Variants in PCDH15 observed in about 807,000 individuals in gnomAD.
PCDH15 encodes protocadherin related 15.
A neutral mutation model predicts 178.5 loss-of-function variants in PCDH15; 129 were observed. The ratio of observed to expected loss-of-function variants is 0.72; its 90% CI spans 0.63 to 0.84. PCDH15 has a LOEUF of 0.84. Among genes scored for constraint, PCDH15 ranks in the 40% least tolerant of loss-of-function variants. PCDH15 has a pLI of 0.00. For missense variants in PCDH15, 2,230 were observed against 2,099.9 expected (o/e 1.06, Z -1.21); for synonymous variants, 800 against 732.0 (o/e 1.09, Z -1.50).
At chr10:54,876,791 C>T (rs1954153149) in intron 3 of PCDH15, among the ~76,000 whole-genome samples, 1 of 152,090 alleles carries the variant, frequency 6.6e-6, no homozygotes, top group South Asian at 2.1e-4. Context: ...GGAAAATACT[C>T]TTGGTGAAGG....
At chr10:55,430,406 A>C (rs1056240331) in intron 2 of PCDH15, among the ~76,000 whole-genome samples, 2 of 152,224 alleles carry the variant, frequency 1.3e-5, no homozygotes, top group Non-Finnish European at 2.9e-5. Context: ...GAATCAAGCA[A>C]AGGTTTAATC....
At chr10:54,239,290 T>A (rs2054977430) in intron 8 of PCDH15, among the ~76,000 whole-genome samples, 1 of 151,898 alleles carries the variant, frequency 6.6e-6, no homozygotes, top group South Asian at 2.1e-4. Context: ...ATGAGCAACA[T>A]AATTTATTTA....
chr10:55,388,004 G>T (rs1336390939), intron 2 of PCDH15, among the ~76,000 whole-genome samples: 1 of 151,916 alleles, frequency 6.6e-6, no homozygotes, highest in African/African-American at 2.4e-5. Context: ...TCAAATATTT[G>T]ATTACAAAAT....
rs116330825 is a variant in PCDH15, at chr10:55,352,323, A to T, written c.-155-185672T>A. 5.2e-3 allele frequency among the ~76,000 whole-genome samples: 786 copies of T among 152,274 alleles called. 11 individuals carry two copies. Among genetic ancestry groups the T allele is most frequent in the African/African-American group, 0.018 (740 of 41,570 alleles). On this transcript the variant is annotated intron_variant, in intron 2 of 5. Coordinates refer to the PCDH15 transcript ENST00000613346. ...CAAATTTGAGTGATTTTCTTATTCGAGTTCAAAAACGGGTTGTAAAGCAGC... is the reference window on the plus strand; with the variant it reads ...CAAATTTGAGTGATTTTCTTATTCGTGTTCAAAAACGGGTTGTAAAGCAGC...
At chr10:55,396,036 ATATTT>A (rs1282562349) in intron 2 of PCDH15, among the ~76,000 whole-genome samples, 1 of 151,702 alleles carries the variant, frequency 6.6e-6, no homozygotes, top group Non-Finnish European at 1.5e-5. Flanking sequence ...ACAAAAAAAT[ATATTT>A]TAGCATTTTC....
At chr10:54,337,082 G>T (rs537735667) in intron 6 of PCDH15, among the ~76,000 whole-genome samples, 14 of 150,754 alleles carry the variant, frequency 9.3e-5, no homozygotes, top group African/African-American at 3.2e-4. Context: ...TAGACCCTTT[G>T]TTTTTGCCAA....
At chr10:55,076,433 T>G (rs1328184359) in intron 2 of PCDH15, among the ~76,000 whole-genome samples, 2 of 151,396 alleles carry the variant, frequency 1.3e-5, no homozygotes, top group African/African-American at 4.8e-5. Flanking sequence ...TTGCTGTGTT[T>G]TTTTTTTTTT....
At chr10:54,797,405 A>C (rs1952143308) in intron 1 of PCDH15, among the ~76,000 whole-genome samples, 1 of 151,900 alleles carries the variant, frequency 6.6e-6, no homozygotes, top group Non-Finnish European at 1.5e-5. Flanking sequence ...GGTGAATGCA[A>C]CCTTTAAACA....
At chr10:54,126,068 T>C (rs772613262) in intron 15 of PCDH15, among the ~76,000 whole-genome samples, 1 of 133,098 alleles carries the variant, frequency 7.5e-6, no homozygotes, top group Non-Finnish European at 1.5e-5. Flanking sequence ...TAAAAAGAAT[T>C]ACCATTTTTT....
chr10:54,040,555 T>C (rs947464837), intron 18 of PCDH15, among the ~76,000 whole-genome samples: 4 of 152,038 alleles, frequency 2.6e-5, no homozygotes, highest in Admixed American at 1.3e-4. Flanking sequence ...TACATCTATA[T>C]TCAGTTACTA....
chr10:53,910,674 G>C (rs959633902), intron 25 of PCDH15, among the ~76,000 whole-genome samples: 2 of 152,148 alleles, frequency 1.3e-5, no homozygotes, highest in Non-Finnish European at 2.9e-5. Flanking sequence ...TTGATGAGTT[G>C]ACAGAAGTAG....
At chr10:53,947,844 CA>C (rs1030433940) in intron 23 of PCDH15, among the ~76,000 whole-genome samples, 10 of 152,084 alleles carry the variant, frequency 6.6e-5, no homozygotes, top group Non-Finnish European at 1.2e-4. Context: ...CTGGAGGATA[CA>C]AAAACTGAAG....
chr10:54,224,756 A>C (rs947814165), intron 9 of PCDH15, among the ~76,000 whole-genome samples: 1 of 152,042 alleles, frequency 6.6e-6, no homozygotes, highest in South Asian at 2.1e-4. Context: ...TTCTTCCATT[A>C]ATTTTAACTT....
chr10:54,364,272 A>AT (rs565290276), intron 5 of PCDH15, among the ~76,000 whole-genome samples: 96 of 149,244 alleles, frequency 6.4e-4, no homozygotes, highest in East Asian at 6.3e-3. Context: ...TTTAACTGTA[A>AT]TTTTTTTTTT....
intron 2 of PCDH15, among the ~76,000 whole-genome samples, chr10:55,529,345 GT>G (rs1294352584): frequency 6.6e-6 from 1 of 151,926 alleles, no homozygotes; most frequent in East Asian, 1.9e-4. Context: ...TTCTTCTAGG[GT>G]TTTTATGGGT....
intron 20 of PCDH15, among the ~76,000 whole-genome samples, chr10:53,998,330 G>A (rs1300770526): frequency 6.6e-6 from 1 of 151,914 alleles, no homozygotes; most frequent in Non-Finnish European, 1.5e-5. Context: ...AAACCTTATG[G>A]TTTTTTTCTT....
intron 2 of PCDH15, among the ~76,000 whole-genome samples, chr10:55,075,647 G>T (rs11492423): frequency 3.9e-5 from 6 of 151,972 alleles, no homozygotes; most frequent in Non-Finnish European, 7.4e-5. Context: ...ACAGGCATAA[G>T]CCACTGTGCC....
chr10:54,316,742 G>A (rs2061301866), intron 8 of PCDH15, among the ~76,000 whole-genome samples: 1 of 152,056 alleles, frequency 6.6e-6, no homozygotes, highest in African/African-American at 2.4e-5. Context: ...CAAAAATACA[G>A]GATTAAGTGT....
intron 3 of PCDH15, among the ~76,000 whole-genome samples, chr10:54,413,612 TA>T (rs916896680): frequency 6.6e-6 from 1 of 152,168 alleles, no homozygotes; most frequent in Non-Finnish European, 1.5e-5. Context: ...ATCAGCTTTT[TA>T]AAAAAGCCTT....
Sources: gnomAD v4.1 joint callset for allele counts (sites outside exome capture counted in the v4.1 genomes callset) on GRCh38, gnomAD v4.1.1 for gene constraint, MANE v1.5 for transcripts, NCBI Gene and HGNC (gene_info 2026-07-23, HGNC 2026-07-21) for gene names.